HPSE2: variants seen among roughly 807,000 people sequenced by gnomAD.
HPSE2 encodes heparanase 2 (inactive).
A neutral mutation model predicts 60.5 loss-of-function variants in HPSE2; 38 were observed. The observed-to-expected ratio is 0.63, with a 90% confidence interval of 0.48 to 0.82. The LOEUF (loss-of-function observed/expected upper bound fraction) is 0.82. HPSE2 is among the 40% of genes least tolerant of loss of function. The pLI is 0.00. For missense variants in HPSE2, 713 were observed against 740.4 expected (o/e 0.96, Z 0.43); for synonymous variants, 295 against 293.2 (o/e 1.01, Z -0.06).
intron 3 of HPSE2, among the ~76,000 whole-genome samples, chr10:98,903,805 A>C (rs1042518667): frequency 6.6e-6 from 1 of 152,126 alleles, no homozygotes; most frequent in African/African-American, 2.4e-5. Flanking sequence ...TTTACAATCT[A>C]GTAAGGGAGA....
the HPSE2 span, among the ~76,000 whole-genome samples, chr10:99,280,485 T>A: frequency 6.6e-6 from 1 of 152,136 alleles, no homozygotes; most frequent in African/African-American, 2.4e-5. Context: ...AAATATCAAC[T>A]GCCTAATGAT....
At position 99,066,409 on chromosome 10, in the gene HPSE2, A is replaced by C. The variant is rs146082580; in HGVS notation, c.610+77829T>G. ...CCGAAGCAAAGAAAAGAGAGGAAAA[A>C]AAATAAAGATTAGAGTTGTATTAGT... On this transcript the variant is annotated intron_variant, in intron 3 of 11. Coordinates refer to ENST00000370552, the MANE Select transcript of HPSE2 (RefSeq NM_021828.5). 3.5e-4 allele frequency among the ~76,000 whole-genome samples: 53 copies of C among 152,338 alleles called. No individual in the cohort carries two copies. The East Asian group carries it at 5.4e-3, about 16-fold the overall frequency.
intron 3 of HPSE2, among the ~76,000 whole-genome samples, chr10:98,979,651 A>G (rs1023334503): frequency 1.3e-5 from 2 of 152,222 alleles, no homozygotes; most frequent in African/African-American, 4.8e-5. Context: ...CCAGAAACTT[A>G]ACCGTGTATT....
chr10:98,863,177 G>GA (rs1327595377), intron 3 of HPSE2, among the ~76,000 whole-genome samples: 3 of 152,062 alleles, frequency 2.0e-5, no homozygotes, highest in Non-Finnish European at 2.9e-5. Context: ...TTGGTTCCCA[G>GA]AAAAAATCAC....
chr10:99,121,749 T>C (rs1006097330), intron 3 of HPSE2, among the ~76,000 whole-genome samples: 1 of 152,142 alleles, frequency 6.6e-6, no homozygotes, highest in Non-Finnish European at 1.5e-5. Flanking sequence ...AAAGTCCCTT[T>C]ACTAAATACA....
At chr10:98,838,694 T>G (rs908010469) in intron 3 of HPSE2, among the ~76,000 whole-genome samples, 10 of 152,158 alleles carry the variant, frequency 6.6e-5, no homozygotes, top group Admixed American at 2.6e-4. Context: ...GGCCTCCCAG[T>G]ATGCTGGGAT....
At chr10:98,737,809 C>T (rs1019940833) in intron 4 of HPSE2, among the ~76,000 whole-genome samples, 1 of 152,086 alleles carries the variant, frequency 6.6e-6, no homozygotes. Flanking sequence ...CAAACCATTG[C>T]TCAAGGAAAT....
Position 98,743,944 on chromosome 10 carries a change from G to A in HPSE2, c.723C>T (p.Ala241=), listed in dbSNP as rs2134328427. 1.9e-6 allele frequency: 3 copies of A among 1,614,022 alleles called. No individual in the cohort carries two copies. Among genetic ancestry groups the A allele is most frequent in the East Asian group, 2.2e-5 (1 of 44,868 alleles). Residue 241 remains alanine (A), a synonymous_variant, in exon 4 of 12, where the codon GCC becomes GCT. Coordinates refer to ENST00000370552, the MANE Select transcript of HPSE2 (RefSeq NM_021828.5). ...TGGCGCTGTACTTCAACAGACTCAGGGCACTAGAACTGTTCCAGGAGTTAT... is the reference window on the plus strand; with the variant it reads ...TGGCGCTGTACTTCAACAGACTCAGAGCACTAGAACTGTTCCAGGAGTTAT... The part of the protein sequence containing the change: ...NPNNSWNSSS[A]LSLLKYSASK...
chr10:99,113,133 T>C (rs1049545290), intron 3 of HPSE2, among the ~76,000 whole-genome samples: 15 of 152,206 alleles, frequency 9.9e-5, no homozygotes, highest in African/African-American at 3.6e-4. Context: ...AGTAACAATA[T>C]AACAATGACA....
At chr10:99,180,871 C>G (rs1025161048) in intron 2 of HPSE2, among the ~76,000 whole-genome samples, 1 of 98,498 alleles carries the variant, frequency 1.0e-5, no homozygotes, top group Non-Finnish European at 1.8e-5. Flanking sequence ...GCCTGGGCAA[C>G]AAGGCAAGAC....
intron 11 of HPSE2, among the ~76,000 whole-genome samples, chr10:98,468,518 G>A (rs959437734): frequency 6.6e-6 from 1 of 151,966 alleles, no homozygotes; most frequent in African/African-American, 2.4e-5. Context: ...CTCCTGCTTG[G>A]GACCTCACCT....
intron 3 of HPSE2, among the ~76,000 whole-genome samples, chr10:98,939,152 C>A (rs1253938662): frequency 7.0e-6 from 1 of 143,714 alleles, no homozygotes. Context: ...TAAAGACCAT[C>A]GAGGCTAGGA....
chr10:99,016,707 G>A (rs956919571), intron 3 of HPSE2, among the ~76,000 whole-genome samples: 5 of 151,892 alleles, frequency 3.3e-5, no homozygotes, highest in African/African-American at 1.2e-4. Context: ...TGATTTCTTT[G>A]AGCAGTGGTT....
chr10:98,646,350 T>C (rs1946770633), intron 6 of HPSE2, among the ~76,000 whole-genome samples: 1 of 151,314 alleles, frequency 6.6e-6, no homozygotes, highest in South Asian at 2.1e-4. Flanking sequence ...AAACCCTGGC[T>C]GAATGGTCTA....
chr10:99,008,004 A>C (rs1396105018), intron 3 of HPSE2, among the ~76,000 whole-genome samples: 1 of 152,214 alleles, frequency 6.6e-6, no homozygotes, highest in African/African-American at 2.4e-5. Flanking sequence ...TTGGCAATTC[A>C]ACTGACTTAG....
the HPSE2 span, among the ~76,000 whole-genome samples, chr10:99,306,963 G>C: frequency 6.6e-6 from 1 of 152,268 alleles, no homozygotes; most frequent in Non-Finnish European, 1.5e-5. Context: ...GCCCGCCTCA[G>C]CCTCCCAAAG....
In HPSE2 at chr10:98,543,227, T is replaced by A. The variant is rs142498515; in HGVS notation, c.1321-53031A>T. Among the ~76,000 whole-genome samples the A allele has an allele frequency of 9.0e-3, 1,365 of 152,044 alleles. 14 individuals carry two copies. The highest frequency in any genetic ancestry group is 0.031 in the African/African-American group (1,293 of 41,466). The stretch of plus-strand genomic sequence containing the variant: ...TCTAGAATTTCATATCCAGCCAAAC[T>A]AAGCTTCATAAGTGAAGGAGAAATA... On this transcript the variant is annotated intron_variant, in intron 9 of 11. Coordinates refer to ENST00000370552, the MANE Select transcript of HPSE2 (RefSeq NM_021828.5).
chr10:99,267,567 A>G, the HPSE2 span, among the ~76,000 whole-genome samples: 1 of 152,074 alleles, frequency 6.6e-6, no homozygotes, highest in Admixed American at 6.5e-5. Context: ...GTGAATCACA[A>G]GGTCAGGAGT....
intron 9 of HPSE2, among the ~76,000 whole-genome samples, chr10:98,600,877 A>ATATG (rs1945387271): frequency 7.2e-6 from 1 of 138,406 alleles, no homozygotes; most frequent in Non-Finnish European, 1.5e-5. Flanking sequence ...GTATATATGT[A>ATATG]TATATACATA....
Sources: gnomAD v4.1 joint callset for allele counts (sites outside exome capture counted in the v4.1 genomes callset) on GRCh38, gnomAD v4.1.1 for gene constraint, MANE v1.5 for transcripts, NCBI Gene and HGNC (gene_info 2026-07-23, HGNC 2026-07-21) for gene names.